The following CERS3 variants were observed in gnomAD, a reference collection of about 807,000 sequenced individuals.
CERS3 encodes the protein LAG1 homolog, ceramide synthase 3.
A neutral mutation model predicts 50.3 loss-of-function variants in CERS3; 33 were observed. The observed-to-expected ratio is 0.66, with a 90% confidence interval of 0.50 to 0.88. CERS3 has a LOEUF of 0.88. Ranked by LOEUF, CERS3 falls within the 40% of genes least tolerant of loss-of-function variation. CERS3 has a pLI of 0.00. For missense variants in CERS3, 470 were observed against 460.3 expected, an observed-to-expected ratio of 1.02 and a Z score of -0.19; for synonymous variants, 176 against 155.2, an observed-to-expected ratio of 1.13 and a Z score of -0.99.
intron 1 of CERS3, among the ~76,000 whole-genome samples, chr15:100,540,539 C>T (rs1456817992): frequency 6.6e-6 from 1 of 152,034 alleles, no homozygotes; most frequent in Non-Finnish European, 1.5e-5. Context: ...GCAAGACTCT[C>T]TCTCAAATAA....
At chr15:100,516,350 G>A (rs1209841185) in intron 2 of CERS3, among the ~76,000 whole-genome samples, 1 of 152,176 alleles carries the variant, frequency 6.6e-6, no homozygotes, top group Admixed American at 6.5e-5. Context: ...CCCAGTTTAA[G>A]GGCCAGTCCT....
chr15:100,499,281 T>C (rs1187074300), intron 3 of CERS3, among the ~76,000 whole-genome samples: 2 of 152,098 alleles, frequency 1.3e-5, no homozygotes, highest in East Asian at 3.9e-4. Flanking sequence ...TAAATCACAC[T>C]TCAGACACAT....
intron 11 of CERS3, among the ~76,000 whole-genome samples, chr15:100,444,846 C>A (rs924108121): frequency 6.6e-6 from 1 of 152,200 alleles, no homozygotes. Flanking sequence ...ATGGTCATTT[C>A]TTCCCTTCTG....
chr15:100,520,005 T>C (rs536514206), intron 2 of CERS3, among the ~76,000 whole-genome samples: 1 of 152,320 alleles, frequency 6.6e-6, no homozygotes, highest in African/African-American at 2.4e-5. Flanking sequence ...AGGAGACATG[T>C]ACACCCACAT....
At chr15:100,522,019 C>T (rs1193455975) in intron 1 of CERS3, among the ~76,000 whole-genome samples, 1 of 150,484 alleles carries the variant, frequency 6.6e-6, no homozygotes, top group Non-Finnish European at 1.5e-5. Context: ...TGGCAAGAAT[C>T]ACTGGAGCCC....
intron 4 of CERS3, 45 bp downstream of exon 4, chr15:100,490,772 A>T: frequency 8.3e-7 from 1 of 1,202,924 alleles, no homozygotes; most frequent in Non-Finnish European, 1.2e-6. Context: ...TTGAACCATT[A>T]AGAAAGAAGA....
chr15:100,524,399 C>T (rs896135294), intron 1 of CERS3, among the ~76,000 whole-genome samples: 1 of 152,178 alleles, frequency 6.6e-6, no homozygotes, highest in Non-Finnish European at 1.5e-5. Flanking sequence ...ATTTTATAGT[C>T]ATCATCTAGA....
chr15:100,402,806 T>A lies in CERS3; in HGVS notation c.1059A>T (p.Glu353Asp). The change falls in exon 12 of 12, where the codon GAA (glutamate) becomes GAT (aspartate). Residue 353 changes from glutamate to aspartate, a missense_variant. Physicochemically the swap from Glu to Asp is conservative, Grantham distance 45. Transcript: ENST00000679737. ...TCTCTTTGCCTTTGGTAGCCTCTTC[T>A]TCTTCCTCTTCCTCTTCCTCTTCAT... ...EDYEEEEEEE[E>D]EEATKGKEMD... 6.2e-7 allele frequency: 1 copy of A among 1,613,994 alleles called. No homozygotes were observed. The highest frequency in any genetic ancestry group is 2.2e-5 in the East Asian group (1 of 44,868).
At chr15:100,430,276 C>A in intron 11 of CERS3, among the ~76,000 whole-genome samples, 1 of 151,192 alleles carries the variant, frequency 6.6e-6, no homozygotes, top group African/African-American at 2.4e-5. Flanking sequence ...CACGCCACTG[C>A]ACTCCAGCCT....
intron 2 of CERS3, among the ~76,000 whole-genome samples, chr15:100,519,138 G>A (rs1226201667): frequency 1.3e-5 from 2 of 149,238 alleles, no homozygotes; most frequent in African/African-American, 2.5e-5. Flanking sequence ...CAGCCTGGGC[G>A]ACAGAGAGAG....
intron 9 of CERS3, 64 bp from the exon 10 acceptor site, chr15:100,469,548 TAAATG>T: frequency 8.6e-7 from 1 of 1,156,962 alleles, no homozygotes; most frequent in Non-Finnish European, 1.3e-6. Flanking sequence ...GTTAAATTTA[TAAATG>T]AAATGATATG....
At chr15:100,434,401 C>A (rs2033293807) in intron 11 of CERS3, among the ~76,000 whole-genome samples, 1 of 152,238 alleles carries the variant, frequency 6.6e-6, no homozygotes, top group South Asian at 2.1e-4. Flanking sequence ...GTTCCCAAAT[C>A]AGAGCACAGA....
chr15:100,422,931 G>A (rs1456732550), intron 11 of CERS3, among the ~76,000 whole-genome samples: 1 of 129,488 alleles, frequency 7.7e-6, no homozygotes, highest in Admixed American at 8.3e-5. Context: ...TCTGGGGACT[G>A]TTGTGGGGTG....
intron 8 of CERS3, among the ~76,000 whole-genome samples, chr15:100,473,587 A>G (rs1302301231): frequency 1.3e-5 from 2 of 152,196 alleles, no homozygotes; most frequent in Admixed American, 1.3e-4. Flanking sequence ...ACAAACCAAA[A>G]CCACAATGAG....
intron 2 of CERS3, among the ~76,000 whole-genome samples, chr15:100,512,716 C>T (rs556230535): frequency 1.3e-5 from 2 of 152,044 alleles, no homozygotes; most frequent in African/African-American, 2.4e-5. Context: ...AAAGTCCAAC[C>T]ATCTTTATGT....
At chr15:100,533,160 C>A (rs537076528), upstream of CERS3, among the ~76,000 whole-genome samples, 9 of 152,332 alleles carry the variant, frequency 5.9e-5, no homozygotes, top group Admixed American at 1.3e-4. Flanking sequence ...GGGAGGACAA[C>A]TGCTTTCCTG....
At chr15:100,448,055 C>T (rs1310428120) in intron 11 of CERS3, among the ~76,000 whole-genome samples, 3 of 152,158 alleles carry the variant, frequency 2.0e-5, no homozygotes, top group Non-Finnish European at 4.4e-5. Context: ...GGAACAAGCT[C>T]GGGGGAGAGC....
chr15:100,503,186 T>C (rs2036063299), intron 2 of CERS3, among the ~76,000 whole-genome samples: 1 of 152,154 alleles, frequency 6.6e-6, no homozygotes, highest in Non-Finnish European at 1.5e-5. Context: ...AATCACTCTG[T>C]CAAAACCTCT....
At chr15:100,448,594 C>T (rs1311617585) in intron 11 of CERS3, among the ~76,000 whole-genome samples, 2 of 152,234 alleles carry the variant, frequency 1.3e-5, no homozygotes, top group African/African-American at 4.8e-5. Context: ...TAAGCAGCTA[C>T]AGCACAGTGC....
Sources: gnomAD v4.1 joint callset for allele counts (sites outside exome capture counted in the v4.1 genomes callset) on GRCh38, gnomAD v4.1.1 for gene constraint, MANE v1.5 for transcripts, NCBI Gene and HGNC (gene_info 2026-07-23, HGNC 2026-07-21) for gene names.